GULP1: variants seen among roughly 807,000 people sequenced by gnomAD.
GULP1 encodes the protein GULP PTB domain containing engulfment adaptor 1, also known as PTB domain-containing engulfment adapter protein 1.
A neutral mutation model predicts 40.9 loss-of-function variants in GULP1; 19 were observed. That is an observed-to-expected ratio of 0.46 (90% CI 0.32 to 0.68). The LOEUF (loss-of-function observed/expected upper bound fraction) is 0.68. Ranked by LOEUF, GULP1 falls within the 30% of genes least tolerant of loss-of-function variation. The probability of loss-of-function intolerance (pLI) is 0.03; values close to 1 mark genes in which losing one functional copy is unlikely to be tolerated. For synonymous variants in GULP1, 119 were observed against 117.6 expected (o/e 1.01, Z -0.08); for missense variants, 312 against 362.2 (o/e 0.86, Z 1.12).
At chr2:188,402,568 A>T (rs1231438590) in intron 2 of GULP1, among the ~76,000 whole-genome samples, 3 of 151,952 alleles carry the variant, frequency 2.0e-5, no homozygotes, top group African/African-American at 7.3e-5. Flanking sequence ...TTCAATAGAG[A>T]TTTGGAGTCT....
chr2:188,382,863 G>A (rs529204728), intron 1 of GULP1, among the ~76,000 whole-genome samples: 106 of 152,252 alleles, frequency 7.0e-4, no homozygotes, highest in Non-Finnish European at 1.2e-3. Context: ...GCTGGAAAAC[G>A]ATGGCTTTCA....
In GULP1 at chr2:188,559,574, G is replaced by C. The variant is rs190382383; in HGVS notation, c.400-9665G>C. 1.3e-3 allele frequency among the ~76,000 whole-genome samples: 194 copies of C among 152,244 alleles called. 1 individual carries two copies. Among genetic ancestry groups the C allele is most frequent in the African/African-American group, 4.4e-3 (183 of 41,550 alleles). On this transcript the variant is annotated intron_variant, in intron 7 of 11. Transcript: ENST00000409830. ...GGCCCACTTGCTTTTGATTTTACAG[G>C]CTCATAGGCAGAAGAGACTAGCCTT...
chr2:188,379,735 A>G (rs1217562795), intron 1 of GULP1, among the ~76,000 whole-genome samples: 2 of 152,228 alleles, frequency 1.3e-5, no homozygotes, highest in Non-Finnish European at 2.9e-5. Flanking sequence ...TCTTATTACT[A>G]AAGTTTTATA....
intron 2 of GULP1, among the ~76,000 whole-genome samples, chr2:188,427,126 C>G (rs946193475): frequency 6.6e-6 from 1 of 152,108 alleles, no homozygotes; most frequent in Non-Finnish European, 1.5e-5. Flanking sequence ...TTCTAAGGAG[C>G]AAAGTGTTCA....
At chr2:188,562,151 C>T (rs1214737830) in intron 7 of GULP1, among the ~76,000 whole-genome samples, 2 of 152,158 alleles carry the variant, frequency 1.3e-5, no homozygotes, top group Non-Finnish European at 2.9e-5. Context: ...CTTGCTGTAG[C>T]TGCTTGGGTC....
chr2:188,465,526 T>C (rs2060039053), intron 2 of GULP1, among the ~76,000 whole-genome samples: 1 of 152,006 alleles, frequency 6.6e-6, no homozygotes. Context: ...GGTGTCTCAG[T>C]AGGTCATGAC....
intron 1 of GULP1, among the ~76,000 whole-genome samples, chr2:188,309,374 G>A (rs2037682751): frequency 6.6e-6 from 1 of 152,152 alleles, no homozygotes; most frequent in Non-Finnish European, 1.5e-5. Context: ...GCTGAGGTGG[G>A]AGGACTGCTT....
At chr2:188,299,611 A>G (rs2035766615) in intron 1 of GULP1, among the ~76,000 whole-genome samples, 1 of 152,242 alleles carries the variant, frequency 6.6e-6, no homozygotes, top group South Asian at 2.1e-4. Context: ...AATACTTATC[A>G]AATAACACTT....
chr2:188,592,645 G>A (rs1270794170), intron 11 of GULP1: 1 of 151,940 alleles, frequency 6.6e-6, no homozygotes, highest in African/African-American at 2.4e-5. Flanking sequence ...TAAACATAAA[G>A]AATATTCTTT....
chr2:188,588,972 T>C (rs1040020172), intron 11 of GULP1: 2 of 152,112 alleles, frequency 1.3e-5, no homozygotes, highest in Non-Finnish European at 2.9e-5. Flanking sequence ...AATTTAAAAG[T>C]TGAATTACTT....
At chr2:188,571,167 A>T (rs1206495583) in intron 9 of GULP1, among the ~76,000 whole-genome samples, 1 of 152,180 alleles carries the variant, frequency 6.6e-6, no homozygotes, top group African/African-American at 2.4e-5. Context: ...AAAAAAAATT[A>T]ATATCTAACT....
At chr2:188,328,427 C>T (rs1483214228) in intron 1 of GULP1, among the ~76,000 whole-genome samples, 2 of 152,130 alleles carry the variant, frequency 1.3e-5, no homozygotes, top group African/African-American at 4.8e-5. Flanking sequence ...TTTTCTACTT[C>T]TGTTTCTCTT....
At chr2:188,549,677 A>G (rs1048065575) in intron 7 of GULP1, among the ~76,000 whole-genome samples, 2 of 151,812 alleles carry the variant, frequency 1.3e-5, no homozygotes, top group Non-Finnish European at 3.0e-5. Context: ...ACAAAAACCT[A>G]TACACAAATA....
chr2:188,445,386 C>A (rs1056299457), intron 2 of GULP1, among the ~76,000 whole-genome samples: 9 of 152,050 alleles, frequency 5.9e-5, no homozygotes, highest in Admixed American at 5.9e-4. Context: ...GGCAGGAGAC[C>A]CAAATGGCTT....
intron 9 of GULP1, among the ~76,000 whole-genome samples, chr2:188,572,625 T>C (rs1202377283): frequency 6.6e-6 from 1 of 152,246 alleles, no homozygotes; most frequent in Non-Finnish European, 1.5e-5. Context: ...CTTTAAAAAT[T>C]ATTTGTCACA....
intron 1 of GULP1, among the ~76,000 whole-genome samples, chr2:188,358,025 T>A (rs527695178): frequency 2.3e-4 from 35 of 151,790 alleles, no homozygotes; most frequent in African/African-American, 8.4e-4. Context: ...CTAAAAAAAA[T>A]AAAAAATTAG....
chr2:188,485,343 AGAC>A (rs1416806397), intron 4 of GULP1, among the ~76,000 whole-genome samples: 3 of 152,102 alleles, frequency 2.0e-5, no homozygotes, highest in Non-Finnish European at 4.4e-5. Flanking sequence ...ACATCTTCCC[AGAC>A]TGGGAACAGT....
chr2:188,343,394 A>C (rs2043215802), intron 1 of GULP1, among the ~76,000 whole-genome samples: 1 of 152,230 alleles, frequency 6.6e-6, no homozygotes, highest in Non-Finnish European at 1.5e-5. Flanking sequence ...TAGACAGTGT[A>C]GTGGCACATT....
intron 7 of GULP1, among the ~76,000 whole-genome samples, chr2:188,552,819 T>C (rs1693804227): frequency 6.6e-6 from 1 of 151,052 alleles, no homozygotes; most frequent in Admixed American, 6.6e-5. Context: ...TCTCTCCTTA[T>C]AGAGAACTTT....
Sources: gnomAD v4.1 joint callset for allele counts (sites outside exome capture counted in the v4.1 genomes callset) on GRCh38, gnomAD v4.1.1 for gene constraint, MANE v1.5 for transcripts, NCBI Gene and HGNC (gene_info 2026-07-23, HGNC 2026-07-21) for gene names.